Variants in NEDD4L observed in about 807,000 individuals in gnomAD.
NEDD4L encodes NEDD4 like E3 ubiquitin protein ligase.
In NEDD4L, 54 loss-of-function variants were observed where a neutral mutation model predicts 148.9. The observed-to-expected ratio is 0.36, with a 90% CI of 0.29 to 0.45. NEDD4L has a LOEUF of 0.45. NEDD4L is among the 20% of genes least tolerant of loss of function. NEDD4L has a pLI of 1.00. For missense variants in NEDD4L, 856 were observed against 1,233.8 expected (o/e 0.69, Z 4.59); for synonymous variants, 433 against 440.7 (o/e 0.98, Z 0.22).
At chr18:58,325,954 G>C (rs1209935065) in intron 9 of NEDD4L, among the ~76,000 whole-genome samples, 1 of 152,138 alleles carries the variant, frequency 6.6e-6, no homozygotes, top group Non-Finnish European at 1.5e-5. Flanking sequence ...GAGCTGCCTA[G>C]CAGCCAAGAC....
chr18:58,197,694 C>G (rs1299773908), intron 2 of NEDD4L: 2 of 152,584 alleles, frequency 1.3e-5, no homozygotes, highest in Non-Finnish European at 1.5e-5. Context: ...CAGCCACCTG[C>G]CCACCTGTAG....
chr18:58,342,024 G>A (rs940356808), intron 15 of NEDD4L, among the ~76,000 whole-genome samples: 3 of 152,218 alleles, frequency 2.0e-5, no homozygotes, highest in African/African-American at 4.8e-5. Flanking sequence ...GGCTAAGGCC[G>A]TGGTGACTTG....
At chr18:58,248,730 C>A (rs2047564318) in intron 3 of NEDD4L, among the ~76,000 whole-genome samples, 169 bp from the exon 4 acceptor site, 2 of 152,118 alleles carry the variant, frequency 1.3e-5, no homozygotes, top group Admixed American at 6.6e-5. Context: ...TAAATACATT[C>A]CCTCCCCCTC....
At chr18:58,151,245 C>CCATGG (rs2034694771) in intron 1 of NEDD4L, among the ~76,000 whole-genome samples, 1 of 152,160 alleles carries the variant, frequency 6.6e-6, no homozygotes, top group Admixed American at 6.5e-5. Flanking sequence ...CACAGACGGA[C>CCATGG]CATGCATGGG....
At chr18:58,195,614 C>G (rs541747817) in intron 2 of NEDD4L, 1 of 1,346,612 alleles carries the variant, frequency 7.4e-7, no homozygotes, top group South Asian at 1.2e-5. Context: ...CGGGAGCTGG[C>G]GGAGACCAGG....
At position 58,399,336 on chromosome 18, in the gene NEDD4L, C is replaced by CT. The variant is rs2050700963; in HGVS notation, c.*3068dup. The stretch of plus-strand genomic sequence containing the variant: ...TTTATGCTTCTCTGCAGCCAGTCCT[C>CT]TAACAAATCTCAAGAACAAAGGTAA... On this transcript the variant is annotated 3_prime_UTR_variant, in exon 31 of 31. Coordinates refer to ENST00000400345, the MANE Select transcript of NEDD4L (RefSeq NM_001144967.3). 1 of 152,256 alleles carries CT rather than the reference C, an allele frequency of 6.6e-6. No homozygotes were observed. Among genetic ancestry groups the CT allele is most frequent in the South Asian group, 2.1e-4 (1 of 4,838 alleles). The allele number at this position is 152,256 out of a possible 1,614,324, so 9.4% of individuals were successfully genotyped here. A position where few individuals can be genotyped will look rare whatever the true frequency, so the allele number is the denominator to read the frequency against.
At chr18:58,133,277 T>G (rs957821380) in intron 1 of NEDD4L, among the ~76,000 whole-genome samples, 2 of 152,240 alleles carry the variant, frequency 1.3e-5, no homozygotes, top group African/African-American at 4.8e-5. Context: ...AATGCACTTA[T>G]AAGTTTCTAT....
chr18:58,255,252 G>C (rs1197028352), intron 5 of NEDD4L, among the ~76,000 whole-genome samples: 1 of 151,982 alleles, frequency 6.6e-6, no homozygotes, highest in Non-Finnish European at 1.5e-5. Context: ...CGCCCTGCTG[G>C]GGCCACTCCT....
At chr18:58,177,123 C>A (rs553870729) in intron 2 of NEDD4L, among the ~76,000 whole-genome samples, 3 of 152,060 alleles carry the variant, frequency 2.0e-5, no homozygotes, top group African/African-American at 7.3e-5. Flanking sequence ...TCTCCCTGAG[C>A]CGCCGGCCCC....
At chr18:58,351,860 A>G (rs1601596048) in intron 18 of NEDD4L, among the ~76,000 whole-genome samples, 1 of 152,240 alleles carries the variant, frequency 6.6e-6, no homozygotes, top group African/African-American at 2.4e-5. Flanking sequence ...CTGGCTTCAC[A>G]ATTTCATAAC....
At position 58,330,910 on chromosome 18, in the gene NEDD4L, T is replaced by C. The variant is rs1263066048; in HGVS notation, c.986T>C (p.Leu329Ser). Residue 329 changes from leucine to serine, a missense_variant, in exon 11 of 31, where the codon TTG (leucine) becomes TCG (serine). Leu to Ser is a moderately radical substitution (Grantham distance 145). This residue lies in a region of NEDD4L where 367 missense variants were observed against 422.7 expected (regional missense o/e 0.87). Transcript: ENST00000400345. ...PDSNGEQFSS[L>S]IQREPSSRLR... ...TCCAATGGGGAACAGTTCAGCTCTT[T>C]GATTGTAAGTAGTGGCCTTGTTTGA... 1 of 1,612,318 alleles carries C rather than the reference T, an allele frequency of 6.2e-7. No homozygotes were observed. Among genetic ancestry groups the C allele is most frequent in the East Asian group, 2.2e-5 (1 of 44,880 alleles).
chr18:58,077,949 G>T (rs959331517), intron 1 of NEDD4L, among the ~76,000 whole-genome samples: 9 of 151,960 alleles, frequency 5.9e-5, no homozygotes, highest in Admixed American at 2.0e-4. Context: ...GTAATGCACC[G>T]GACAGCCCCA....
chr18:58,128,196 G>A (rs942451784), intron 1 of NEDD4L, among the ~76,000 whole-genome samples: 56 of 152,124 alleles, frequency 3.7e-4, no homozygotes, highest in Admixed American at 1.7e-3. Context: ...ACAGGCTCCC[G>A]CCACTGCACC....
chr18:58,131,857 C>T (rs1010310846), intron 1 of NEDD4L, among the ~76,000 whole-genome samples: 5 of 152,162 alleles, frequency 3.3e-5, no homozygotes, highest in East Asian at 1.9e-4. Context: ...TGCCTGTATA[C>T]CTGGAAAGTT....
In NEDD4L at chr18:58,256,002, C is replaced by T; in HGVS notation, c.297+3948C>T. ...GCCGACGATGGGCCTCCATGCGCAA[C>T]GCCCGACCCCAGGGACCAGGCCTCC... On this transcript the variant is annotated intron_variant, in intron 5 of 30. Coordinates refer to ENST00000400345, the MANE Select transcript of NEDD4L (RefSeq NM_001144967.3). The surrounding 1 kb of genome is among the most constrained non-coding windows in gnomAD (Gnocchi z 5.2). 1 of 1,230,516 alleles carries T rather than the reference C, an allele frequency of 8.1e-7. No individual in the cohort carries two copies. Among genetic ancestry groups the T allele is most frequent in the Non-Finnish European group, 1.0e-6 (1 of 987,192 alleles). The allele number at this position is 1,230,516 out of a possible 1,614,324, so 76.2% of individuals were successfully genotyped here.
chr18:58,069,180 CCCCTGTGGTT>C (rs2082752457), intron 1 of NEDD4L, among the ~76,000 whole-genome samples: 1 of 151,272 alleles, frequency 6.6e-6, no homozygotes, highest in Non-Finnish European at 1.5e-5. Flanking sequence ...AATATATGTT[CCCCTGTGGTT>C]CCCTGTTATA....
intron 1 of NEDD4L, chr18:58,149,391 T>A: frequency 6.8e-7 from 1 of 1,463,882 alleles, no homozygotes; most frequent in East Asian, 2.6e-5. Context: ...AGTTAAAACT[T>A]CTCTCCTGTG....
chr18:58,320,076 A>G (rs2058642977), intron 6 of NEDD4L, among the ~76,000 whole-genome samples: 1 of 152,168 alleles, frequency 6.6e-6, no homozygotes, highest in East Asian at 1.9e-4. Context: ...GTGTGATATC[A>G]GTCATTTAAG....
At chr18:58,102,254 T>C (rs2084801637) in intron 1 of NEDD4L, among the ~76,000 whole-genome samples, 2 of 152,188 alleles carry the variant, frequency 1.3e-5, no homozygotes, top group South Asian at 4.2e-4. Flanking sequence ...TGGTGACTGC[T>C]TGGTGAGCTG....
Sources: gnomAD v4.1 joint callset for allele counts (sites outside exome capture counted in the v4.1 genomes callset) on GRCh38, gnomAD v4.1.1 for gene constraint, gnomAD v4.1.1 regional missense constraint, Gnocchi (gnomAD v3.1) non-coding constraint, MANE v1.5 for transcripts, NCBI Gene and HGNC (gene_info 2026-07-23, HGNC 2026-07-21) for gene names.